The following MGA variants were observed in gnomAD, a reference collection of about 807,000 sequenced individuals.
MGA encodes the protein MAX dimerization protein MGA.
Under a neutral mutation model 261.1 loss-of-function variants are expected in MGA, and 40 were observed. The observed-to-expected ratio is 0.15, with a 90% CI of 0.12 to 0.20. The LOEUF (loss-of-function observed/expected upper bound fraction) is 0.20. MGA is among the 10% of genes least tolerant of loss of function. The pLI is 1.00. For missense variants in MGA, 3,397 were observed against 3,630.5 expected (o/e 0.94, Z 1.65); for synonymous variants, 1,302 against 1,290.6 (o/e 1.01, Z -0.19).
At chr15:41,666,454 G>A (rs959919560) in intron 1 of MGA, among the ~76,000 whole-genome samples, 6 of 152,042 alleles carry the variant, frequency 3.9e-5, no homozygotes, top group Non-Finnish European at 8.8e-5. Context: ...TCTTTTACAA[G>A]GGTTGAAAAA....
At chr15:41,635,898 G>A (rs1428645923) in intron 1 of MGA, among the ~76,000 whole-genome samples, 4 of 152,172 alleles carry the variant, frequency 2.6e-5, no homozygotes, top group African/African-American at 9.6e-5. Flanking sequence ...AGTGATACTG[G>A]TGTAAACAAA....
In MGA at chr15:41,766,072, G is replaced by A; in HGVS notation, c.7990G>A (p.Val2664Ile). 2 of 1,613,630 alleles carry A rather than the reference G, an allele frequency of 1.2e-6. No homozygotes were observed. Among genetic ancestry groups the A allele is most frequent in the Admixed American group, 1.7e-5 (1 of 59,990 alleles). ...ATCATTGGCCACAGAGGGAGGTTTG[G>A]TAGATATGGGTGGCAGCAAATATCC... The change falls in exon 24 of 24, where the codon GTA (valine) becomes ATA (isoleucine). Residue 2664 changes from valine (V) to isoleucine (I), a missense_variant. This residue lies in a region of MGA where 647 missense variants were observed against 642.4 expected (regional missense o/e 1.01). Coordinates refer to ENST00000219905, the MANE Select transcript of MGA (RefSeq NM_001164273.2).
At chr15:41,686,540 T>G (rs1390403865) in intron 2 of MGA, among the ~76,000 whole-genome samples, 2 of 152,216 alleles carry the variant, frequency 1.3e-5, no homozygotes, top group East Asian at 3.9e-4. Flanking sequence ...AAAAAAAATT[T>G]TTTTTTTGAG....
chr15:41,731,615 T>G (rs942963384), intron 11 of MGA, among the ~76,000 whole-genome samples: 1 of 152,198 alleles, frequency 6.6e-6, no homozygotes, highest in Non-Finnish European at 1.5e-5. Context: ...GTCTTCAGTT[T>G]GTTTAAAATA....
At chr15:41,684,335 T>A in intron 2 of MGA, 1 of 444,216 alleles carries the variant, frequency 2.3e-6, no homozygotes, top group South Asian at 1.6e-5. Context: ...GATTACATAA[T>A]GCCAACAAAA....
Position 41,750,155 on chromosome 15 carries a change from C to T in MGA, c.6548C>T (p.Thr2183Ile). The change falls in exon 17 of 24, where the codon ACC becomes ATC. Residue 2183 changes from threonine to isoleucine, a missense_variant. Physicochemically the swap from Thr to Ile is moderately conservative, Grantham distance 89. This residue lies in a region of MGA where 1,410 missense variants were observed against 1,386.4 expected (regional missense o/e 1.02). Transcript: ENST00000219905. The stretch of plus-strand genomic sequence containing the variant: ...AGAAAACATCTGAAGGGCCCCTTAA[C>T]CAGGAAATGTGTTGGAGCTTCACAG... The T allele has an allele frequency of 6.2e-7, 1 of 1,613,902 alleles. No homozygotes were observed. Among genetic ancestry groups the T allele is most frequent in the Non-Finnish European group, 8.5e-7 (1 of 1,179,864 alleles).
chr15:41,640,916 G>A (rs1402302136), intron 1 of MGA, among the ~76,000 whole-genome samples: 1 of 152,126 alleles, frequency 6.6e-6, no homozygotes, highest in Non-Finnish European at 1.5e-5. Context: ...TCATAGTAAT[G>A]CATCCATCAC....
chr15:41,738,960 C>T (rs2061941962), intron 13 of MGA, among the ~76,000 whole-genome samples: 1 of 152,112 alleles, frequency 6.6e-6, no homozygotes, highest in Non-Finnish European at 1.5e-5. Context: ...CTGGTCTCCT[C>T]ACCAGTTCCC....
chr15:41,739,622 T>C (rs544838736), intron 13 of MGA, among the ~76,000 whole-genome samples: 12 of 152,338 alleles, frequency 7.9e-5, no homozygotes, highest in Middle Eastern at 3.4e-3. Flanking sequence ...TTAGATTTGA[T>C]GATAACTTTC....
intron 2 of MGA, among the ~76,000 whole-genome samples, chr15:41,694,542 T>C (rs112927711): frequency 0.15 from 22,848 of 151,778 alleles, 2,626 homozygotes; most frequent in East Asian, 0.68. Context: ...CTTTTTTTTT[T>C]TTGAGACGGA....
In MGA at chr15:41,710,856, A is replaced by G. The variant is rs753127431; in HGVS notation, c.2591A>G (p.Tyr864Cys). ...CAGCTTCCCACTAAGAGTACCAGTT[A>G]TGTACGAACACTTGATAGTGTACTA... Residue 864 changes from tyrosine (Y) to cysteine (C), a missense_variant, in exon 8 of 24, where the codon TAT becomes TGT. Transcript: ENST00000219905. 1.9e-6 allele frequency: 3 copies of G among 1,613,998 alleles called. No homozygotes were observed. The South Asian group carries it at 3.3e-5, about 18-fold the overall frequency.
In MGA at chr15:41,711,136, A is replaced by C; in HGVS notation, c.2871A>C (p.Pro957=). The C allele has an allele frequency of 6.2e-7, 1 of 1,614,056 alleles. No homozygotes were observed. The highest frequency in any genetic ancestry group is 8.5e-7 in the Non-Finnish European group (1 of 1,179,904). The change falls in exon 8 of 24, where the codon CCA becomes CCC. Residue 957 remains proline (P), a synonymous_variant. Transcript: ENST00000219905. Reference sequence around the variant, plus strand: ...ATCAGGCGAATAACTTTGTTGTGCCAACTTTGGATGAAAATATATTTCCAA... The same window carrying C: ...ATCAGGCGAATAACTTTGTTGTGCCCACTTTGGATGAAAATATATTTCCAA...
At chr15:41,643,202 C>G (rs1426700807) in intron 1 of MGA, among the ~76,000 whole-genome samples, 1 of 138,872 alleles carries the variant, frequency 7.2e-6, no homozygotes, top group Non-Finnish European at 1.6e-5. Flanking sequence ...TGGTGCCTGG[C>G]TCTTTTTTTT....
chr15:41,766,642 G>C lies in MGA; in HGVS notation c.8560G>C (p.Glu2854Gln). ...TGAACTACCCAGCTCTATGGATACA[G>C]AGTTCCCAGGGGATGCTCGGCGGGC... is the stretch of plus-strand genomic sequence containing the variant. Residue 2854 changes from glutamate to glutamine, a missense_variant, in exon 24 of 24, where the codon GAG (glutamate) becomes CAG (glutamine). Physicochemically the swap from Glu to Gln is conservative, Grantham distance 29. Around this residue, in one of 9 missense-constraint regions of MGA, gnomAD observed 647 missense variants for 642.4 expected, o/e 1.01. Transcript: ENST00000219905. The C allele has an allele frequency of 6.2e-7, 1 of 1,614,006 alleles. No individual in the cohort carries two copies. The highest frequency in any genetic ancestry group is 8.5e-7 in the Non-Finnish European group (1 of 1,179,894).
intron 1 of MGA, among the ~76,000 whole-genome samples, chr15:41,644,370 A>G (rs1469635801): frequency 7.5e-6 from 1 of 134,088 alleles, no homozygotes; most frequent in Non-Finnish European, 1.7e-5. Context: ...AAAAAAAAAA[A>G]GAAGGCCGGG....
At chr15:41,683,554 T>G (rs2058785150) in intron 2 of MGA, among the ~76,000 whole-genome samples, 1 of 151,626 alleles carries the variant, frequency 6.6e-6, no homozygotes, top group African/African-American at 2.4e-5. Context: ...TCTTAGTTCT[T>G]TGTTCTATTA....
intron 9 of MGA, among the ~76,000 whole-genome samples, chr15:41,719,077 G>T (rs574616297): frequency 2.0e-5 from 3 of 152,126 alleles, no homozygotes; most frequent in South Asian, 2.1e-4. Flanking sequence ...TATGCAACAT[G>T]TTTGTACATA....
intron 5 of MGA, among the ~76,000 whole-genome samples, chr15:41,700,255 C>A (rs921249613): frequency 6.6e-6 from 1 of 151,924 alleles, no homozygotes; most frequent in African/African-American, 2.4e-5. Context: ...ACTGTGTTAA[C>A]CAGGATGGTC....
rs1567090949 is a variant in MGA, at chr15:41,753,731, AAAGTGGCACTTGAATTTT to A, written c.7009-705_7009-688del. ...AGGATGTTGGTCATGAAGCCCCCTT[AAAGTGGCACTTGAATTTT>A]TCTCCTTTCTATATTTCTTTCACCA... On this transcript the variant is annotated intron_variant, in intron 17 of 23. Transcript: ENST00000219905. 2.0e-5 allele frequency among the ~76,000 whole-genome samples: 3 copies of A among 152,226 alleles called. No homozygotes were observed. In the East Asian group the frequency reaches 5.8e-4, roughly 29 times the overall value.
Sources: allele counts gnomAD v4.1 joint callset (sites outside exome capture counted in the v4.1 genomes callset), GRCh38; gene constraint gnomAD v4.1.1; regional missense constraint gnomAD v4.1.1; transcripts MANE v1.5; gene names NCBI Gene and HGNC (gene_info 2026-07-23, HGNC 2026-07-21).